ZFAT: variants seen among roughly 807,000 people sequenced by gnomAD.
ZFAT encodes the protein zinc finger protein ZFAT.
In ZFAT, 64 loss-of-function variants were observed where a neutral mutation model predicts 117.7. The observed-to-expected ratio is 0.54, with a 90% CI of 0.44 to 0.67. The LOEUF is 0.67. ZFAT is among the 30% of genes least tolerant of loss of function. The probability of loss-of-function intolerance (pLI) is 0.00; values close to 1 mark genes in which losing one functional copy is unlikely to be tolerated. For missense variants in ZFAT, 1,433 were observed against 1,584.5 expected, an observed-to-expected ratio of 0.90 and a Z score of 1.62; for synonymous variants, 679 against 615.0, an observed-to-expected ratio of 1.10 and a Z score of -1.54.
chr8:134,548,717 C>T (rs78400607), intron 11 of ZFAT, among the ~76,000 whole-genome samples: 27,846 of 152,008 alleles, frequency 0.18, 2,725 homozygotes, highest in Non-Finnish European at 0.22. Flanking sequence ...ATACTGTGTC[C>T]CTACCACCTA....
At chr8:134,703,429 G>A (rs1323850208) in intron 1 of ZFAT, among the ~76,000 whole-genome samples, 2 of 152,232 alleles carry the variant, frequency 1.3e-5, no homozygotes, top group African/African-American at 4.8e-5. Flanking sequence ...CATTCCCATA[G>A]AGGATATGTG....
rs1015466675 is a variant in ZFAT at position 134,478,775 on chromosome 8, G to A, written c.3493-54C>T. ...CCCAGCGCCTACTTCCCGGTCCAGCGTAACAACAAAGTCACAACTACAGTT... is the reference window on the plus strand; with the variant it reads ...CCCAGCGCCTACTTCCCGGTCCAGCATAACAACAAAGTCACAACTACAGTT... On this transcript the variant is annotated intron_variant, in intron 15 of 15. Coordinates refer to ENST00000377838, the MANE Select transcript of ZFAT (RefSeq NM_020863.4). The surrounding 1 kb of genome is among the most constrained non-coding windows in gnomAD (Gnocchi z 5.2). 30 of 1,521,452 alleles carry A rather than the reference G, an allele frequency of 2.0e-5. 1 individual carries two copies. Among genetic ancestry groups the A allele is most frequent in the Admixed American group, 1.2e-4 (6 of 50,340 alleles). The allele number at this position is 1,521,452 out of a possible 1,614,324, so 94.2% of individuals were successfully genotyped here. A position where few individuals can be genotyped will look rare whatever the true frequency, so the allele number is the denominator to read the frequency against.
chr8:134,609,540 G>T (rs117839322), intron 4 of ZFAT, among the ~76,000 whole-genome samples: 1 of 152,116 alleles, frequency 6.6e-6, no homozygotes, highest in South Asian at 2.1e-4. Context: ...CTGCAGTGAC[G>T]TACAGAAGGA....
chr8:134,597,408 T>G (rs1455649453), intron 7 of ZFAT: 1 of 152,208 alleles, frequency 6.6e-6, no homozygotes, highest in Non-Finnish European at 1.5e-5. Context: ...TTCCCCTTGG[T>G]TTGTGCTGTT....
At chr8:134,729,162 CAG>C in the ZFAT span, among the ~76,000 whole-genome samples, 1 of 152,208 alleles carries the variant, frequency 6.6e-6, no homozygotes, top group African/African-American at 2.4e-5. Context: ...CCCTGAATGG[CAG>C]AGTCACCATG....
At chr8:134,755,592 A>G in the ZFAT span, among the ~76,000 whole-genome samples, 3 of 151,226 alleles carry the variant, frequency 2.0e-5, no homozygotes, top group African/African-American at 7.3e-5. Context: ...CAAGCAGATC[A>G]CCTGAGGTCA....
chr8:134,583,763 G>C, intron 10 of ZFAT, 69 bp downstream of exon 10: 1 of 1,560,226 alleles, frequency 6.4e-7, no homozygotes, highest in South Asian at 1.2e-5. Flanking sequence ...GCAAGTTTCT[G>C]ACAAACTGGA....
rs115138409 is a variant in ZFAT at position 134,496,216 on chromosome 8, T to G, written c.3492+13403A>C. On this transcript the variant is annotated intron_variant, in intron 15 of 15. Coordinates refer to ENST00000377838, the MANE Select transcript of ZFAT (RefSeq NM_020863.4). ...CAACAGCCCCTTGGAGTAAGTTCCA[T>G]GATCTTCCCATTATACAGATGGGGA... Among the ~76,000 whole-genome samples the G allele has an allele frequency of 4.0e-3, 614 of 152,370 alleles. 4 individuals carry two copies. Among genetic ancestry groups the G allele is most frequent in the African/African-American group, 0.013 (548 of 41,596 alleles).
the ZFAT span, among the ~76,000 whole-genome samples, chr8:134,827,215 C>A: frequency 6.6e-6 from 1 of 152,118 alleles, no homozygotes; most frequent in Non-Finnish European, 1.5e-5. Context: ...CCACATCCAG[C>A]TAACTGTTTT....
chr8:134,609,110 G>A (rs1178649497), intron 4 of ZFAT, among the ~76,000 whole-genome samples: 1 of 151,854 alleles, frequency 6.6e-6, no homozygotes, highest in East Asian at 1.9e-4. Flanking sequence ...ATGTCCTCTT[G>A]AGATATATTT....
At chr8:134,784,141 A>C in the ZFAT span, 2 of 152,118 alleles carry the variant, frequency 1.3e-5, no homozygotes, top group African/African-American at 4.8e-5. Flanking sequence ...TGAGGGCTAG[A>C]CCTTTCTTTG....
intron 10 of ZFAT, among the ~76,000 whole-genome samples, chr8:134,581,477 T>G (rs575044105): frequency 5.3e-5 from 8 of 152,326 alleles, no homozygotes; most frequent in African/African-American, 1.7e-4. Context: ...TTCTTTATTT[T>G]GCGACGTGAC....
chr8:134,825,482 A>G, the ZFAT span, among the ~76,000 whole-genome samples: 3 of 152,252 alleles, frequency 2.0e-5, no homozygotes, highest in Admixed American at 6.5e-5. Flanking sequence ...TTAACACACA[A>G]TAAGAGTTAC....
At chr8:134,747,510 C>G in the ZFAT span, among the ~76,000 whole-genome samples, 1 of 152,218 alleles carries the variant, frequency 6.6e-6, no homozygotes, top group Non-Finnish European at 1.5e-5. Flanking sequence ...GCATTTAACA[C>G]TATTCTTTTA....
At chr8:134,585,673 A>G (rs1339751284) in intron 9 of ZFAT, among the ~76,000 whole-genome samples, 1 of 152,210 alleles carries the variant, frequency 6.6e-6, no homozygotes, top group Non-Finnish European at 1.5e-5. Context: ...ACTCTGTGAC[A>G]TACGGTCGTG....
chr8:134,656,022 T>A (rs1202361580), intron 2 of ZFAT, among the ~76,000 whole-genome samples: 2 of 152,184 alleles, frequency 1.3e-5, no homozygotes, highest in African/African-American at 4.8e-5. Context: ...TAAAGCCCTC[T>A]CTGTGAAGCT....
chr8:134,492,014 TTTTG>T (rs1818089018), intron 15 of ZFAT, among the ~76,000 whole-genome samples: 2 of 147,948 alleles, frequency 1.4e-5, no homozygotes, highest in African/African-American at 4.9e-5. Flanking sequence ...GTTTTTTTGT[TTTTG>T]TTTTTGTTTT....
At chr8:134,536,799 T>C (rs2119879) in intron 11 of ZFAT, among the ~76,000 whole-genome samples, 60,495 of 152,054 alleles carry the variant, frequency 0.4, 12,807 homozygotes, top group East Asian at 0.67. Flanking sequence ...AGATTAAATG[T>C]TATCTAGGCA....
intron 11 of ZFAT, among the ~76,000 whole-genome samples, chr8:134,541,591 A>C (rs1165004286): frequency 6.6e-6 from 1 of 152,194 alleles, no homozygotes; most frequent in Non-Finnish European, 1.5e-5. Flanking sequence ...GTCATTTACC[A>C]CAAGTAAAGA....
Sources: allele counts gnomAD v4.1 joint callset (sites outside exome capture counted in the v4.1 genomes callset), GRCh38; gene constraint gnomAD v4.1.1; non-coding constraint Gnocchi (gnomAD v3.1); transcripts MANE v1.5; gene names NCBI Gene and HGNC (gene_info 2026-07-23, HGNC 2026-07-21).